The following MORN1 variants were observed in gnomAD, a reference collection of about 807,000 sequenced individuals.
MORN1 encodes the protein MORN repeat-containing protein 1.
A neutral mutation model predicts 61.9 loss-of-function variants in MORN1; 67 were observed. That is an observed-to-expected ratio of 1.08 (90% confidence interval 0.89 to 1.33). MORN1 has a LOEUF of 1.33. Ranked by LOEUF, MORN1 falls within the 40% of genes most tolerant of loss-of-function variation. The probability of loss-of-function intolerance (pLI) is 0.00; values close to 1 mark genes in which losing one functional copy is unlikely to be tolerated. For missense variants in MORN1, 752 were observed against 691.2 expected (o/e 1.09, Z -0.99); for synonymous variants, 301 against 292.0 (o/e 1.03, Z -0.31).
At chr1:2,347,596 A>G (rs1441338807) in intron 10 of MORN1, among the ~76,000 whole-genome samples, 1 of 152,000 alleles carries the variant, frequency 6.6e-6, no homozygotes, top group African/African-American at 2.4e-5. Context: ...CCACCAGGCC[A>G]GCTGCTGGCC....
At chr1:2,380,170 G>A (rs1387727041) in intron 6 of MORN1, among the ~76,000 whole-genome samples, 16 of 152,248 alleles carry the variant, frequency 1.1e-4, no homozygotes. Flanking sequence ...GAGGCCCTGA[G>A]ATCAGCAGAG....
intron 10 of MORN1, among the ~76,000 whole-genome samples, chr1:2,342,175 C>T (rs151225881): frequency 0.013 from 2,023 of 152,390 alleles, 18 homozygotes; most frequent in Middle Eastern, 0.027. Flanking sequence ...CAGCCCGGGA[C>T]GGGATCGGGC....
chr1:2,377,336 G>C (rs1425926924), intron 6 of MORN1: 1 of 152,264 alleles, frequency 6.6e-6, no homozygotes, highest in East Asian at 1.9e-4. Context: ...TCACAAAGGC[G>C]ACCCCAGGAC....
Position 2,336,806 on chromosome 1 carries a change from C to T in MORN1, c.1081G>A (p.Glu361Lys). The change falls in exon 11 of 14, where the codon GAG becomes AAG. Residue 361 changes from glutamate to lysine, a missense_variant. Transcript: ENST00000378531. ...PHCPGACQRV[E>K]QGCAEFTDVL... ...TCTGTGAACTCGGCACAGCCCTGCT[C>T]CACTCGCTGACAGGCCCCGGGACAA... 2 of 1,600,946 alleles carry T rather than the reference C, an allele frequency of 1.2e-6. No individual in the cohort carries two copies. Among genetic ancestry groups the T allele is most frequent in the Non-Finnish European group, 1.7e-6 (2 of 1,174,736 alleles).
At position 2,372,295 on chromosome 1, in the gene MORN1, C is replaced by T. The variant is rs1642139842; in HGVS notation, c.745+186G>A. 5.2e-6 allele frequency: 3 copies of T among 579,760 alleles called. No homozygotes were observed. In the Admixed American group the frequency reaches 9.0e-5, roughly 17 times the overall value. The allele number at this position is 579,760 out of a possible 1,614,324, so 35.9% of individuals were successfully genotyped here. ...TGTGCACACATGCTTGCACACACAC[C>T]CAAGGCTGCCCTGACTGGCAGGGAA... On this transcript the variant is annotated intron_variant, in intron 8 of 13. Coordinates refer to ENST00000378531, the MANE Select transcript of MORN1 (RefSeq NM_024848.3). This position sits in a 1 kb window ranked among gnomAD's most constrained non-coding sequence, Gnocchi z 5.4.
rs1349298205 is a variant in MORN1, at chr1:2,321,536, G to A, written c.1341C>T (p.Phe447=). The change falls in exon 14 of 14, where the codon TTC becomes TTT. Residue 447 remains phenylalanine, a synonymous_variant. Transcript: ENST00000378531. ...LMIRDVTTPP[F]LGRRLPPAFK... ...AGGCCGGGGGCAGCCTGCGCCCCAGGAACGGCGGGGTGGTCACGTCGCGGA... is the reference window on the plus strand; with the variant it reads ...AGGCCGGGGGCAGCCTGCGCCCCAGAAACGGCGGGGTGGTCACGTCGCGGA... The A allele has an allele frequency of 2.6e-6, 4 of 1,530,516 alleles. No homozygotes were observed. Among genetic ancestry groups the A allele is most frequent in the Non-Finnish European group, 3.5e-6 (4 of 1,137,268 alleles). The allele number at this position is 1,530,516 out of a possible 1,614,324, so 94.8% of individuals were successfully genotyped here. A position where few individuals can be genotyped will look rare whatever the true frequency, so the allele number is the denominator to read the frequency against.
chr1:2,359,040 C>T (rs1448370055), intron 8 of MORN1, among the ~76,000 whole-genome samples: 1 of 152,186 alleles, frequency 6.6e-6, no homozygotes, highest in Non-Finnish European at 1.5e-5. Flanking sequence ...GGCTCCACCC[C>T]TGCCCTAGCC....
At chr1:2,390,085 G>T in intron 1 of MORN1, 89 bp from the exon 2 acceptor site, 3 of 1,250,442 alleles carry the variant, frequency 2.4e-6, no homozygotes, top group Admixed American at 1.7e-5. Flanking sequence ...CAGCTCCCTT[G>T]AGGGCCTTCA....
intron 12 of MORN1, chr1:2,332,280 C>T (rs1265936308): frequency 3.9e-6 from 1 of 256,890 alleles, no homozygotes; most frequent in Non-Finnish European, 7.7e-6. Context: ...ACGAAGGGGA[C>T]ACAGATGTGG....
At chr1:2,363,590 C>T (rs1011908976) in intron 8 of MORN1, 3 of 151,520 alleles carry the variant, frequency 2.0e-5, no homozygotes, top group Non-Finnish European at 4.4e-5. Flanking sequence ...GACCTCATCT[C>T]TAAAAGAAAA....
At chr1:2,346,996 C>G (rs911601543) in intron 10 of MORN1, among the ~76,000 whole-genome samples, 2 of 152,190 alleles carry the variant, frequency 1.3e-5, no homozygotes, top group Non-Finnish European at 1.5e-5. Flanking sequence ...AGGAGAGGGA[C>G]TCCTGGGTCC....
chr1:2,387,769 G>T, intron 3 of MORN1: 1 of 540,338 alleles, frequency 1.9e-6, no homozygotes, highest in Non-Finnish European at 3.3e-6. Context: ...TCTATCCCGA[G>T]GGCAAAGGAC....
chr1:2,362,494 G>GA (rs997415608), intron 8 of MORN1, among the ~76,000 whole-genome samples: 4 of 152,046 alleles, frequency 2.6e-5, no homozygotes, highest in African/African-American at 9.7e-5. Context: ...GAGTTAAAAA[G>GA]AAAAAACAGA....
At chr1:2,335,763 G>A (rs151263843) in intron 12 of MORN1, among the ~76,000 whole-genome samples, 2 of 151,056 alleles carry the variant, frequency 1.3e-5, no homozygotes, top group East Asian at 1.9e-4. Context: ...CACAGTGTGC[G>A]GGGCCAGGCG....
chr1:2,387,279 G>C, intron 4 of MORN1, 140 bp downstream of exon 4: 3 of 703,688 alleles, frequency 4.3e-6, no homozygotes, highest in Non-Finnish European at 7.6e-6. Flanking sequence ...GCGGAGAAGA[G>C]GGCATGGGCC....
rs1338798592 is a variant in MORN1, at chr1:2,337,538, C to T, written c.1037-688G>A. On this transcript the variant is annotated intron_variant, in intron 10 of 13. Coordinates refer to ENST00000378531, the MANE Select transcript of MORN1 (RefSeq NM_024848.3). This position sits in a 1 kb window ranked among gnomAD's most constrained non-coding sequence, Gnocchi z 5.7. ...GGTATGGGGGCTCCCCTCTGGCTTC[C>T]CCCACGCACAGATGGAGCTGCAGCC... Among the ~76,000 whole-genome samples, 1 of 152,220 alleles carries T rather than the reference C, an allele frequency of 6.6e-6. No individual in the cohort carries two copies. Among genetic ancestry groups the T allele is most frequent in the Non-Finnish European group, 1.5e-5 (1 of 68,040 alleles).
Position 2,387,403 on chromosome 1 carries a change from C to G in MORN1, c.358+16G>C. ...GCGCCCACCCTCACAGCACCCGGCTCCTGTGGGCGCCAGACCTTCCCGCAT... is the reference window on the plus strand; with the variant it reads ...GCGCCCACCCTCACAGCACCCGGCTGCTGTGGGCGCCAGACCTTCCCGCAT... On this transcript the variant is annotated intron_variant, in intron 4 of 13. Transcript: ENST00000378531. 1 of 1,596,492 alleles carries G rather than the reference C, an allele frequency of 6.3e-7. No individual in the cohort carries two copies. Among genetic ancestry groups the G allele is most frequent in the Non-Finnish European group, 8.6e-7 (1 of 1,165,628 alleles).
intron 8 of MORN1, among the ~76,000 whole-genome samples, chr1:2,362,534 T>C (rs978252371): frequency 2.0e-5 from 3 of 152,214 alleles, no homozygotes; most frequent in Middle Eastern, 6.8e-3. Flanking sequence ...CAGCAAACAG[T>C]GGGACAACCT....
At chr1:2,387,120 G>T in intron 4 of MORN1, 1 of 435,916 alleles carries the variant, frequency 2.3e-6, no homozygotes, top group East Asian at 4.1e-5. Flanking sequence ...CTGACCCCAG[G>T]ATCAGGAGCA....
Sources: gnomAD v4.1 joint callset for allele counts (sites outside exome capture counted in the v4.1 genomes callset) on GRCh38, gnomAD v4.1.1 for gene constraint, Gnocchi (gnomAD v3.1) non-coding constraint, MANE v1.5 for transcripts, NCBI Gene and HGNC (gene_info 2026-07-23, HGNC 2026-07-21) for gene names.